The following OLIG1 variants were observed in gnomAD, a reference collection of about 807,000 sequenced individuals.
The protein encoded by OLIG1 is oligodendrocyte transcription factor 1.
OLIG1 carries 9 observed loss-of-function variants against 13.5 expected under a neutral mutation model. The ratio of observed to expected loss-of-function variants is 0.67; its 90% CI spans 0.40 to 1.17. The LOEUF (loss-of-function observed/expected upper bound fraction) is 1.17. Among genes scored for constraint, OLIG1 ranks in the 50% most tolerant of loss-of-function variants. OLIG1 has a pLI of 0.01. For missense variants in OLIG1, 362 were observed against 392.2 expected (o/e 0.92, Z 0.65); for synonymous variants, 215 against 208.3 (o/e 1.03, Z -0.28).
Position 33,070,511 on chromosome 21 carries a change from C to A in OLIG1, c.265C>A (p.His89Asn). Reference sequence around the variant, plus strand: ...AGGCCCCGGGCCCGGGTCAGGCGCGCACCCGGGCGGCAGCGCCCGGCCGGA... The same window carrying A: ...AGGCCCCGGGCCCGGGTCAGGCGCGAACCCGGGCGGCAGCGCCCGGCCGGA... ...PPGPGPGSGA[H>N]PGGSARPDAK... Residue 89 changes from histidine to asparagine, a missense_variant, in exon 1 of 1, where the codon CAC (histidine) becomes AAC (asparagine). Around this residue, in one of 3 missense-constraint regions of OLIG1, gnomAD observed 206 missense variants for 197.2 expected, o/e 1.04. Coordinates refer to ENST00000382348, the MANE Select transcript of OLIG1 (RefSeq NM_138983.3). The surrounding 1 kb of genome is among the most constrained non-coding windows in gnomAD (Gnocchi z 5.9). 1 of 1,499,296 alleles carries A rather than the reference C, an allele frequency of 6.7e-7. No individual in the cohort carries two copies. The highest frequency in any genetic ancestry group is 1.3e-5 in the South Asian group (1 of 79,492). The allele number at this position is 1,499,296 out of a possible 1,614,324, so 92.9% of individuals were successfully genotyped here.
In OLIG1 at chr21:33,070,489, C is replaced by A; in HGVS notation, c.243C>A (p.Gly81=). 1 of 1,520,732 alleles carries A rather than the reference C, an allele frequency of 6.6e-7. No homozygotes were observed. Among genetic ancestry groups the A allele is most frequent in the Non-Finnish European group, 8.8e-7 (1 of 1,139,026 alleles). 94.2% of individuals were successfully genotyped at this position (1,520,732 alleles called of 1,614,324 possible). The change falls in exon 1 of 1, where the codon GGC becomes GGA. Residue 81 remains glycine (G), a synonymous_variant. Transcript: ENST00000382348. The surrounding 1 kb of genome is among the most constrained non-coding windows in gnomAD (Gnocchi z 5.9). ...CGGAGGCGCCGGCCGAGCCTCCAGG[C>A]CCCGGGCCCGGGTCAGGCGCGCACC... The part of the protein sequence containing the change: ...EKPEAPAEPP[G]PGPGSGAHPG...
At position 33,070,350 on chromosome 21, in the gene OLIG1, T is replaced by A; in HGVS notation, c.104T>A (p.Leu35Gln). 6.5e-7 allele frequency: 1 copy of A among 1,546,468 alleles called. No individual in the cohort carries two copies. The highest frequency in any genetic ancestry group is 1.2e-5 in the South Asian group (1 of 83,828). Residue 35 changes from leucine to glutamine, a missense_variant, in exon 1 of 1, where the codon CTG (leucine) becomes CAG (glutamine). Around this residue, in one of 3 missense-constraint regions of OLIG1, gnomAD observed 206 missense variants for 197.2 expected, o/e 1.04. Coordinates refer to ENST00000382348, the MANE Select transcript of OLIG1 (RefSeq NM_138983.3). This position sits in a 1 kb window ranked among gnomAD's most constrained non-coding sequence, Gnocchi z 5.9. ...DLQLGASLYELVGYRQPPSSS... is the reference protein window; with the variant it reads ...DLQLGASLYEQVGYRQPPSSS... ...CAGCTCGGGGCCTCCCTCTACGAGCTGGTGGGCTACAGGCAGCCGCCCTCC... is the reference window on the plus strand; with the variant it reads ...CAGCTCGGGGCCTCCCTCTACGAGCAGGTGGGCTACAGGCAGCCGCCCTCC...
Position 33,070,313 on chromosome 21 carries a change from C to T in OLIG1, c.67C>T (p.Pro23Ser), listed in dbSNP as rs1220976660. Reference sequence around the variant, plus strand: ...CGGGACCATGCTGCGGCCACAGCGGCCCGGAGACTTGCAGCTCGGGGCCTC... The same window carrying T: ...CGGGACCATGCTGCGGCCACAGCGGTCCGGAGACTTGCAGCTCGGGGCCTC... ...VPGTMLRPQR[P>S]GDLQLGASLY... The change falls in exon 1 of 1, where the codon CCC becomes TCC. Residue 23 changes from proline (P) to serine (S), a missense_variant. Pro to Ser is a moderately conservative substitution (Grantham distance 74). Around this residue, in one of 3 missense-constraint regions of OLIG1, gnomAD observed 206 missense variants for 197.2 expected, o/e 1.04. Transcript: ENST00000382348. This position sits in a 1 kb window ranked among gnomAD's most constrained non-coding sequence, Gnocchi z 5.9. 2.6e-6 allele frequency: 4 copies of T among 1,546,826 alleles called. No individual in the cohort carries two copies. The East Asian group carries it at 9.9e-5, about 38-fold the overall frequency.
In OLIG1 at chr21:33,071,093, GCCCGGCC is replaced by G; in HGVS notation, c.*32_*38del. On this transcript the variant is annotated 3_prime_UTR_variant, in exon 1 of 1. Coordinates refer to ENST00000382348, the MANE Select transcript of OLIG1 (RefSeq NM_138983.3). The surrounding 1 kb of genome is among the most constrained non-coding windows in gnomAD (Gnocchi z 6.0). ...GGCCTGGGCCTGGGGCGCGACCTCG[GCCCGGCC>G]TCCCTTCGCTCAGCTTCTCCGCGCC... is the stretch of plus-strand genomic sequence containing the variant. The G allele has an allele frequency of 6.9e-7, 1 of 1,442,962 alleles. No individual in the cohort carries two copies. The highest frequency in any genetic ancestry group is 1.5e-5 in the African/African-American group (1 of 66,488). 89.4% of individuals were successfully genotyped at this position (1,442,962 alleles called of 1,614,324 possible). A position where few individuals can be genotyped will look rare whatever the true frequency, so the allele number is the denominator to read the frequency against.
rs1333178517 is a variant in OLIG1, at chr21:33,070,393, CTCCTCCACCTCCTCCACT to C, written c.154_171del (p.Thr52_Ser57del). The C allele has an allele frequency of 1.9e-5, 30 of 1,539,330 alleles. No homozygotes were observed. The highest frequency in any genetic ancestry group is 1.4e-5 in the African/African-American group (1 of 71,880). On this transcript the variant is annotated inframe_deletion, in exon 1 of 1. Transcript: ENST00000382348. This position sits in a 1 kb window ranked among gnomAD's most constrained non-coding sequence, Gnocchi z 5.9. Reference sequence around the variant, plus strand: ...CGCCCTCCTCCTCCTCCTCCTCCACCTCCTCCACCTCCTCCACTTCCTCCTCCTCCACGACGGCCCCCC... The same window carrying C: ...CGCCCTCCTCCTCCTCCTCCTCCACCTCCTCCTCCTCCACGACGGCCCCCC...
At position 33,071,325 on chromosome 21, in the gene OLIG1, C is replaced by T. The variant is rs1982222612; in HGVS notation, c.*263C>T. On this transcript the variant is annotated 3_prime_UTR_variant, in exon 1 of 1. Transcript: ENST00000382348. The surrounding 1 kb of genome is among the most constrained non-coding windows in gnomAD (Gnocchi z 6.0). ...CCAGCGGCTTTAGGCAGAAAGTGCT[C>T]GCTCTCACCCAGCACATCTCTCTCC... 5.9e-6 allele frequency: 2 copies of T among 339,362 alleles called. No homozygotes were observed. Among genetic ancestry groups the T allele is most frequent in the Non-Finnish European group, 5.7e-6 (1 of 176,110 alleles). The allele number at this position is 339,362 out of a possible 1,614,324, so 21.0% of individuals were successfully genotyped here. A position where few individuals can be genotyped will look rare whatever the true frequency, so the allele number is the denominator to read the frequency against.
rs1982197518 is a variant in OLIG1 at position 33,070,700 on chromosome 21, G to A, written c.454G>A (p.Ala152Thr). Reference protein sequence around the residue: ...GAPGRKLSKIATLLLARNYIL... With the variant: ...GAPGRKLSKITTLLLARNYIL... The stretch of plus-strand genomic sequence containing the variant: ...GCCCGGCCGCAAGCTCTCCAAGATA[G>A]CCACGCTGCTGCTCGCCCGCAACTA... The change falls in exon 1 of 1, where the codon GCC (alanine) becomes ACC (threonine). Residue 152 changes from alanine to threonine, a missense_variant. By Grantham distance (58) the Ala-to-Thr change is moderately conservative. This residue lies in a region of OLIG1 where 94 missense variants were observed against 146.0 expected (regional missense o/e 0.64). Transcript: ENST00000382348. This position sits in a 1 kb window ranked among gnomAD's most constrained non-coding sequence, Gnocchi z 5.9. 2.0e-6 allele frequency: 3 copies of A among 1,521,154 alleles called. No individual in the cohort carries two copies. 94.2% of individuals were successfully genotyped at this position (1,521,154 alleles called of 1,614,324 possible).
rs1371861176 is a variant in OLIG1 at position 33,070,961 on chromosome 21, G to A, written c.715G>A (p.Ala239Thr). The A allele has an allele frequency of 6.2e-6, 9 of 1,457,106 alleles. No individual in the cohort carries two copies. Among genetic ancestry groups the A allele is most frequent in the Admixed American group, 5.0e-5 (2 of 40,076 alleles). The allele number at this position is 1,457,106 out of a possible 1,614,324, so 90.3% of individuals were successfully genotyped here. The change falls in exon 1 of 1, where the codon GCA (alanine) becomes ACA (threonine). Residue 239 changes from alanine (A) to threonine (T), a missense_variant. This residue lies in a region of OLIG1 where 62 missense variants were observed against 49.1 expected (regional missense o/e 1.26). Coordinates refer to ENST00000382348, the MANE Select transcript of OLIG1 (RefSeq NM_138983.3). The surrounding 1 kb of genome is among the most constrained non-coding windows in gnomAD (Gnocchi z 5.9). ...CGQFALPGGG[A>T]GGPGLCTCAV... is the part of the protein sequence containing the mutation. ...CCAGTTCGCTCTCCCCGGCGGCGGC[G>A]CAGGCGGCCCCGGCCTCTGCACCTG...
In OLIG1 at chr21:33,071,106, T is replaced by C. The variant is rs2123304064; in HGVS notation, c.*44T>C. 1 of 1,426,634 alleles carries C rather than the reference T, an allele frequency of 7.0e-7. No homozygotes were observed. The highest frequency in any genetic ancestry group is 9.2e-7 in the Non-Finnish European group (1 of 1,088,096). 88.4% of individuals were successfully genotyped at this position (1,426,634 alleles called of 1,614,324 possible). A position where few individuals can be genotyped will look rare whatever the true frequency, so the allele number is the denominator to read the frequency against. The stretch of plus-strand genomic sequence containing the variant: ...GGCGCGACCTCGGCCCGGCCTCCCT[T>C]CGCTCAGCTTCTCCGCGCCCCTGCT... On this transcript the variant is annotated 3_prime_UTR_variant, in exon 1 of 1. Coordinates refer to ENST00000382348, the MANE Select transcript of OLIG1 (RefSeq NM_138983.3). This position sits in a 1 kb window ranked among gnomAD's most constrained non-coding sequence, Gnocchi z 6.0.
chr21:33,070,582 C>T lies in OLIG1; in HGVS notation c.336C>T (p.Ser112=), dbSNP rs1159350024. 1.3e-6 allele frequency: 2 copies of T among 1,553,472 alleles called. No individual in the cohort carries two copies. The highest frequency in any genetic ancestry group is 1.4e-5 in the African/African-American group (1 of 70,374). The change falls in exon 1 of 1, where the codon AGC becomes AGT. Residue 112 remains serine, a synonymous_variant. Transcript: ENST00000382348. This position sits in a 1 kb window ranked among gnomAD's most constrained non-coding sequence, Gnocchi z 5.9. ...QQQQLRRKIN[S]RERKRMQDLN... is the part of the protein sequence containing the mutation. ...AGCAGCTGCGGCGCAAGATCAACAG[C>T]CGCGAGCGGAAGCGCATGCAGGACC...
At position 33,071,757 on chromosome 21, in the gene OLIG1, A is replaced by C. The variant is rs529041946; in HGVS notation, c.*695A>C. The stretch of plus-strand genomic sequence containing the variant: ...GTGCGCTGGGTTGGGACGTGGGTCC[A>C]CTTTTGTAGACCAGCTGTTTGGAGA... On this transcript the variant is annotated 3_prime_UTR_variant, in exon 1 of 1. Coordinates refer to ENST00000382348, the MANE Select transcript of OLIG1 (RefSeq NM_138983.3). This position sits in a 1 kb window ranked among gnomAD's most constrained non-coding sequence, Gnocchi z 6.0. 1 of 167,140 alleles carries C rather than the reference A, an allele frequency of 6.0e-6. No individual in the cohort carries two copies. The highest frequency in any genetic ancestry group is 2.1e-4 in the South Asian group (1 of 4,828). The allele number at this position is 167,140 out of a possible 1,614,324, so 10.4% of individuals were successfully genotyped here.
In OLIG1 at chr21:33,070,396, C is replaced by CTCCACCTCCTCCACT. The variant is rs1568823910; in HGVS notation, c.154_168dup (p.Thr52_Ser56dup). On this transcript the variant is annotated inframe_insertion, in exon 1 of 1. Transcript: ENST00000382348. The surrounding 1 kb of genome is among the most constrained non-coding windows in gnomAD (Gnocchi z 5.9). ...CCTCCTCCTCCTCCTCCTCCACCTCCTCCACCTCCTCCACTTCCTCCTCCT... is the reference window on the plus strand; with the variant it reads ...CCTCCTCCTCCTCCTCCTCCACCTCCTCCACCTCCTCCACTTCCACCTCCTCCACTTCCTCCTCCT... 2 of 1,540,210 alleles carry CTCCACCTCCTCCACT rather than the reference C, an allele frequency of 1.3e-6. No individual in the cohort carries two copies. Among genetic ancestry groups the CTCCACCTCCTCCACT allele is most frequent in the Admixed American group, 3.9e-5 (2 of 50,762 alleles).
Position 33,071,800 on chromosome 21 carries a change from C to T in OLIG1, c.*738C>T, listed in dbSNP as rs77910593. The T allele has an allele frequency of 2.3e-3, 392 of 167,186 alleles. 12 individuals carry two copies. In the East Asian group the frequency reaches 0.062, roughly 26 times the overall value. The allele number at this position is 167,186 out of a possible 1,614,324, so 10.4% of individuals were successfully genotyped here. Reference sequence around the variant, plus strand: ...TTTGGAGAGCTGTATTTAAGACTCGCGTATCCAGTGTTTTGTCGCAGAGAG... The same window carrying T: ...TTTGGAGAGCTGTATTTAAGACTCGTGTATCCAGTGTTTTGTCGCAGAGAG... On this transcript the variant is annotated 3_prime_UTR_variant, in exon 1 of 1. Transcript: ENST00000382348. This position sits in a 1 kb window ranked among gnomAD's most constrained non-coding sequence, Gnocchi z 6.0.
At position 33,071,588 on chromosome 21, in the gene OLIG1, A is replaced by G. The variant is rs1464923588; in HGVS notation, c.*526A>G. 1.2e-5 allele frequency: 2 copies of G among 166,820 alleles called. No individual in the cohort carries two copies. Among genetic ancestry groups the G allele is most frequent in the Non-Finnish European group, 2.9e-5 (2 of 68,146 alleles). The allele number at this position is 166,820 out of a possible 1,614,324, so 10.3% of individuals were successfully genotyped here. ...CCCTTGTTCCCGCCGGCCAGGTCCTATCAAAGGAGGCTGCCGGAACTCAAG... is the reference window on the plus strand; with the variant it reads ...CCCTTGTTCCCGCCGGCCAGGTCCTGTCAAAGGAGGCTGCCGGAACTCAAG... On this transcript the variant is annotated 3_prime_UTR_variant, in exon 1 of 1. Coordinates refer to ENST00000382348, the MANE Select transcript of OLIG1 (RefSeq NM_138983.3). The surrounding 1 kb of genome is among the most constrained non-coding windows in gnomAD (Gnocchi z 6.0).
chr21:33,070,375 C>G lies in OLIG1; in HGVS notation c.129C>G (p.Ser43=), dbSNP rs748537947. Residue 43 remains serine, a synonymous_variant, in exon 1 of 1, where the codon TCC becomes TCG. Transcript: ENST00000382348. The surrounding 1 kb of genome is among the most constrained non-coding windows in gnomAD (Gnocchi z 5.9). ...TGGTGGGCTACAGGCAGCCGCCCTCCTCCTCCTCCTCCTCCACCTCCTCCA... is the reference window on the plus strand; with the variant it reads ...TGGTGGGCTACAGGCAGCCGCCCTCGTCCTCCTCCTCCTCCACCTCCTCCA... ...YELVGYRQPP[S]SSSSSTSSTS... 5.4e-5 allele frequency: 83 copies of G among 1,540,064 alleles called. No individual in the cohort carries two copies. The highest frequency in any genetic ancestry group is 6.6e-5 in the Non-Finnish European group (75 of 1,142,870).
Position 33,071,846 on chromosome 21 carries a change from G to C in OLIG1, c.*784G>C, listed in dbSNP as rs1159078906. ...GAGAGTTTTCGCTCTTAAATCCTGG[G>C]GGTTTCTTAGAAAGCAACTTAGAAC... is the stretch of plus-strand genomic sequence containing the variant. On this transcript the variant is annotated 3_prime_UTR_variant, in exon 1 of 1. Transcript: ENST00000382348. This position sits in a 1 kb window ranked among gnomAD's most constrained non-coding sequence, Gnocchi z 6.0. 6.0e-6 allele frequency: 1 copy of C among 167,070 alleles called. No homozygotes were observed. Among genetic ancestry groups the C allele is most frequent in the East Asian group, 1.9e-4 (1 of 5,206 alleles). 10.3% of individuals were successfully genotyped at this position (167,070 alleles called of 1,614,324 possible). A position where few individuals can be genotyped will look rare whatever the true frequency, so the allele number is the denominator to read the frequency against.
rs780798020 is a variant in OLIG1 at position 33,070,400 on chromosome 21, ACCTCCTCCACTTCCT to A, written c.165_179del (p.Ser56_Thr60del). 3.3e-6 allele frequency: 5 copies of A among 1,521,816 alleles called. No homozygotes were observed. In the South Asian group the frequency reaches 4.9e-5, roughly 15 times the overall value. The allele number at this position is 1,521,816 out of a possible 1,614,324, so 94.3% of individuals were successfully genotyped here. A position where few individuals can be genotyped will look rare whatever the true frequency, so the allele number is the denominator to read the frequency against. ...CTCCTCCTCCTCCTCCACCTCCTCCACCTCCTCCACTTCCTCCTCCTCCACGACGGCCCCCCTCCT... is the reference window on the plus strand; with the variant it reads ...CTCCTCCTCCTCCTCCACCTCCTCCACCTCCTCCACGACGGCCCCCCTCCT... On this transcript the variant is annotated inframe_deletion, in exon 1 of 1. Transcript: ENST00000382348. The surrounding 1 kb of genome is among the most constrained non-coding windows in gnomAD (Gnocchi z 5.9).
rs1231124977 is a variant in OLIG1 at position 33,072,011 on chromosome 21, T to G, written c.*949T>G. 1 of 167,232 alleles carries G rather than the reference T, an allele frequency of 6.0e-6. No individual in the cohort carries two copies. The highest frequency in any genetic ancestry group is 1.9e-4 in the East Asian group (1 of 5,190). 10.4% of individuals were successfully genotyped at this position (167,232 alleles called of 1,614,324 possible). A position where few individuals can be genotyped will look rare whatever the true frequency, so the allele number is the denominator to read the frequency against. ...GTAACCAGGCGTCTCACAGTCGCCG[T>G]CCTGTCAAGAGCGCTAATGAACGTT... On this transcript the variant is annotated 3_prime_UTR_variant, in exon 1 of 1. Transcript: ENST00000382348.
chr21:33,070,878 C>T lies in OLIG1; in HGVS notation c.632C>T (p.Pro211Leu). 3.1e-6 allele frequency: 4 copies of T among 1,299,616 alleles called. 1 individual carries two copies. The highest frequency in any genetic ancestry group is 1.9e-6 in the Non-Finnish European group (2 of 1,025,718). 80.5% of individuals were successfully genotyped at this position (1,299,616 alleles called of 1,614,324 possible). ...CTGGCGCCCGGCGCCGTAGGACCCC[C>T]CGACGCGCTGCGCCCCGCCAAGTAC... ...VLLAPGAVGP[P>L]DALRPAKYLS... The change falls in exon 1 of 1, where the codon CCC becomes CTC. Residue 211 changes from proline (P) to leucine (L), a missense_variant. Around this residue, in one of 3 missense-constraint regions of OLIG1, gnomAD observed 94 missense variants for 146.0 expected, o/e 0.64. Transcript: ENST00000382348. This position sits in a 1 kb window ranked among gnomAD's most constrained non-coding sequence, Gnocchi z 5.9.
Sources: allele counts gnomAD v4.1 joint callset, GRCh38; gene constraint gnomAD v4.1.1; regional missense constraint gnomAD v4.1.1; non-coding constraint Gnocchi (gnomAD v3.1); transcripts MANE v1.5; gene names NCBI Gene and HGNC (gene_info 2026-07-23, HGNC 2026-07-21).